Variants in TUSC3 observed in about 807,000 individuals in gnomAD.
The protein encoded by TUSC3 is tumor suppressor candidate 3.
Under a neutral mutation model 44.8 loss-of-function variants are expected in TUSC3, and 45 were observed. The ratio of observed to expected loss-of-function variants is 1.00; its 90% CI spans 0.79 to 1.29. TUSC3 has a LOEUF of 1.29. Ranked by LOEUF, TUSC3 falls within the 50% of genes most tolerant of loss-of-function variation. The probability of loss-of-function intolerance (pLI) is 0.00; values close to 1 mark genes in which losing one functional copy is unlikely to be tolerated. For synonymous variants in TUSC3, 212 were observed against 152.9 expected, an observed-to-expected ratio of 1.39 and a Z score of -2.85; for missense variants, 519 against 437.9, an observed-to-expected ratio of 1.19 and a Z score of -1.65.
chr8:15,759,363 G>A (rs1812074366), intron 10 of TUSC3, among the ~76,000 whole-genome samples: 1 of 151,916 alleles, frequency 6.6e-6, no homozygotes, highest in African/African-American at 2.4e-5. Flanking sequence ...ATGTTCTGTC[G>A]AGCTGAGGAT....
chr8:15,514,059 C>G (rs1034638450), intron 2 of TUSC3, among the ~76,000 whole-genome samples: 1 of 152,172 alleles, frequency 6.6e-6, no homozygotes, highest in East Asian at 1.9e-4. Context: ...ACGTCAAGGT[C>G]CCTTCTATGC....
chr8:15,457,155 T>C (rs1018662529), intron 1 of TUSC3, among the ~76,000 whole-genome samples: 13 of 75,144 alleles, frequency 1.7e-4, no homozygotes, highest in East Asian at 4.3e-4. Context: ...GATCACACAC[T>C]GGGGCCTGTT....
chr8:15,635,978 G>A (rs573467755), intron 2 of TUSC3, among the ~76,000 whole-genome samples: 47 of 152,250 alleles, frequency 3.1e-4, no homozygotes, highest in African/African-American at 9.1e-4. Context: ...TTCAAAGAGC[G>A]GTGTCTTTAT....
chr8:15,449,797 A>G (rs183050605), intron 1 of TUSC3, among the ~76,000 whole-genome samples: 3 of 152,164 alleles, frequency 2.0e-5, no homozygotes, highest in Non-Finnish European at 4.4e-5. Flanking sequence ...AATTCCATTC[A>G]TGGTAAGTGC....
In TUSC3 at chr8:15,632,153, C is replaced by G. The variant is rs866345017; in HGVS notation, c.308+8904C>G. Among the ~76,000 whole-genome samples, 33 of 152,144 alleles carry G rather than the reference C, an allele frequency of 2.2e-4. 1 individual carries two copies. ...TTATTTCACTCCCGCACCCCCATGCCATGTGAGATCCATTTGAGGTTCATC... is the reference window on the plus strand; with the variant it reads ...TTATTTCACTCCCGCACCCCCATGCGATGTGAGATCCATTTGAGGTTCATC... On this transcript the variant is annotated intron_variant, in intron 2 of 10. Coordinates refer to ENST00000503731, the MANE Select transcript of TUSC3 (RefSeq NM_006765.4).
At chr8:15,670,595 G>C (rs1330473356) in intron 5 of TUSC3, among the ~76,000 whole-genome samples, 3 of 151,844 alleles carry the variant, frequency 2.0e-5, no homozygotes, top group Non-Finnish European at 4.4e-5. Flanking sequence ...AAGAAAGCAT[G>C]GATATGTATC....
At chr8:15,760,074 C>T (rs963979424) in intron 10 of TUSC3, among the ~76,000 whole-genome samples, 8 of 152,150 alleles carry the variant, frequency 5.3e-5, no homozygotes, top group African/African-American at 1.9e-4. Flanking sequence ...CCCCATAATA[C>T]ATCACTTATT....
At chr8:15,827,848 C>T in the TUSC3 span, among the ~76,000 whole-genome samples, 210 of 152,128 alleles carry the variant, frequency 1.4e-3, 2 homozygotes, top group Middle Eastern at 0.01. Flanking sequence ...ATGTTGAAGG[C>T]TGTTTGGGAT....
At chr8:15,465,638 T>G (rs369402912) in intron 1 of TUSC3, among the ~76,000 whole-genome samples, 60 of 152,334 alleles carry the variant, frequency 3.9e-4, no homozygotes, top group African/African-American at 1.3e-3. Context: ...AGGCTTAATT[T>G]TCAGATGAGG....
At chr8:15,509,890 A>G (rs1188397526) in intron 2 of TUSC3, among the ~76,000 whole-genome samples, 2 of 152,192 alleles carry the variant, frequency 1.3e-5, no homozygotes, top group East Asian at 1.9e-4. Flanking sequence ...TTATTTCCCC[A>G]GTTATCTAAT....
intron 1 of TUSC3, among the ~76,000 whole-genome samples, chr8:15,466,835 T>G (rs765484151): frequency 4.6e-5 from 7 of 152,140 alleles, no homozygotes; most frequent in Non-Finnish European, 7.4e-5. Flanking sequence ...ATGGAGAGTA[T>G]GATTGTCAGT....
intron 6 of TUSC3, among the ~76,000 whole-genome samples, chr8:15,678,094 G>A (rs1808266660): frequency 6.6e-6 from 1 of 152,160 alleles, no homozygotes; most frequent in Non-Finnish European, 1.5e-5. Flanking sequence ...CCTTATTTCT[G>A]CTATGAGATC....
At chr8:15,688,419 A>C (rs1808734394) in intron 6 of TUSC3, among the ~76,000 whole-genome samples, 1 of 135,092 alleles carries the variant, frequency 7.4e-6, no homozygotes. Flanking sequence ...AAAAACTAAC[A>C]CTTCAGTATT....
chr8:15,778,566 A>C, the TUSC3 span, among the ~76,000 whole-genome samples: 1 of 152,214 alleles, frequency 6.6e-6, no homozygotes, highest in African/African-American at 2.4e-5. Flanking sequence ...CAGTATTATT[A>C]GGTAACACAG....
chr8:15,692,032 C>T lies in TUSC3; in HGVS notation c.798+18196C>T, dbSNP rs565238627. Among the ~76,000 whole-genome samples, 10 of 152,208 alleles carry T rather than the reference C, an allele frequency of 6.6e-5. No homozygotes were observed. The South Asian group carries it at 1.5e-3, about 22-fold the overall frequency. On this transcript the variant is annotated intron_variant, in intron 6 of 10. Coordinates refer to ENST00000503731, the MANE Select transcript of TUSC3 (RefSeq NM_006765.4). ...TTGGCCTCAAGTGATCCACCCACCA[C>T]GGCTTCCCAAAGTGCTGGGATTTCA...
At chr8:15,819,443 T>C in the TUSC3 span, among the ~76,000 whole-genome samples, 2 of 152,200 alleles carry the variant, frequency 1.3e-5, no homozygotes, top group Non-Finnish European at 1.5e-5. Flanking sequence ...ATTACCTCTA[T>C]GCAGATCATT....
At position 15,588,208 on chromosome 8, in the gene TUSC3, A is replaced by G. The variant is rs187362802; in HGVS notation, c.139-34872A>G. Among the ~76,000 whole-genome samples the G allele has an allele frequency of 3.3e-5, 5 of 152,206 alleles. No individual in the cohort carries two copies. In the East Asian group the frequency reaches 9.7e-4, roughly 29 times the overall value. On this transcript the variant is annotated intron_variant, in intron 1 of 10. Transcript: ENST00000503731. ...AGTGTATAAGAGTTCTGTTTTCTCC[A>G]CATCCTCATCAGTATTTCTTATTTT...
upstream of TUSC3, among the ~76,000 whole-genome samples, chr8:15,537,657 C>T (rs1585080066): frequency 6.6e-6 from 1 of 151,962 alleles, no homozygotes; most frequent in East Asian, 1.9e-4. Flanking sequence ...GTGGAGGGAG[C>T]GTAACTTGGA....
the TUSC3 span, among the ~76,000 whole-genome samples, chr8:15,835,603 A>T: frequency 2.5e-4 from 38 of 151,986 alleles, no homozygotes; most frequent in Middle Eastern, 3.2e-3. Flanking sequence ...GTTTTATTTT[A>T]TTGTAACCAG....
Sources: allele counts gnomAD v4.1 joint callset (sites outside exome capture counted in the v4.1 genomes callset), GRCh38; gene constraint gnomAD v4.1.1; transcripts MANE v1.5; gene names NCBI Gene and HGNC (gene_info 2026-07-23, HGNC 2026-07-21).